TENM3: variants seen among roughly 807,000 people sequenced by gnomAD.
The protein encoded by TENM3 is teneurin-3.
In TENM3, 63 loss-of-function variants were observed where a neutral mutation model predicts 255.1. The ratio of observed to expected loss-of-function variants is 0.25; its 90% CI spans 0.20 to 0.30. The LOEUF is 0.30. Among genes scored for constraint, TENM3 ranks in the 10% least tolerant of loss-of-function variants. TENM3 has a pLI of 1.00. For missense variants in TENM3, 2,929 were observed against 3,461.1 expected (o/e 0.85, Z 3.86); for synonymous variants, 1,306 against 1,322.3 (o/e 0.99, Z 0.27).
the TENM3 span, among the ~76,000 whole-genome samples, chr4:181,693,388 T>G: frequency 6.6e-6 from 1 of 152,076 alleles, no homozygotes; most frequent in Non-Finnish European, 1.5e-5. Context: ...CACCCATAAT[T>G]TTATGTTGGT....
At chr4:182,000,040 T>C in the TENM3 span, among the ~76,000 whole-genome samples, 2 of 152,288 alleles carry the variant, frequency 1.3e-5, no homozygotes, top group East Asian at 3.9e-4. Flanking sequence ...ATCAATAGAC[T>C]TCAGAGATTT....
At chr4:182,737,521 C>T (rs983425743) in intron 17 of TENM3, among the ~76,000 whole-genome samples, 2 of 152,156 alleles carry the variant, frequency 1.3e-5, no homozygotes, top group African/African-American at 4.8e-5. Context: ...CCATGAATTA[C>T]ATCAGCTGTT....
intron 1 of TENM3, among the ~76,000 whole-genome samples, chr4:182,297,710 G>A (rs1761584600): frequency 6.6e-6 from 1 of 152,208 alleles, no homozygotes; most frequent in Non-Finnish European, 1.5e-5. Flanking sequence ...GACAAGTCTA[G>A]ATAGGGTAGA....
the TENM3 span, among the ~76,000 whole-genome samples, chr4:182,023,153 G>A: frequency 5.9e-5 from 9 of 152,262 alleles, no homozygotes; most frequent in East Asian, 3.9e-4. Flanking sequence ...TGGCATGAAC[G>A]TTATTCTTGG....
At chr4:181,555,910 GTGAA>G in the TENM3 span, among the ~76,000 whole-genome samples, 2 of 152,204 alleles carry the variant, frequency 1.3e-5, no homozygotes, top group Non-Finnish European at 2.9e-5. Context: ...AAGCTTGGCA[GTGAA>G]CCTAGAAGAG....
the TENM3 span, among the ~76,000 whole-genome samples, chr4:181,479,553 C>T: frequency 6.6e-6 from 1 of 152,050 alleles, no homozygotes; most frequent in South Asian, 2.1e-4. Flanking sequence ...AAAAATGGTC[C>T]TGTACTTTAT....
the TENM3 span, among the ~76,000 whole-genome samples, chr4:181,556,926 A>C: frequency 6.6e-6 from 1 of 152,158 alleles, no homozygotes; most frequent in Non-Finnish European, 1.5e-5. Context: ...AAGCTCTCCC[A>C]ACTCTTTGAT....
chr4:181,854,953 G>A, the TENM3 span, among the ~76,000 whole-genome samples: 24 of 152,188 alleles, frequency 1.6e-4, no homozygotes, highest in South Asian at 1.7e-3. Context: ...TTTTAAGGCC[G>A]TGTTTTCTAC....
At chr4:181,960,153 T>C in the TENM3 span, among the ~76,000 whole-genome samples, 1 of 152,248 alleles carries the variant, frequency 6.6e-6, no homozygotes. Context: ...GCAATTTGTG[T>C]ATATTCTTAT....
At chr4:181,546,532 G>C in the TENM3 span, among the ~76,000 whole-genome samples, 3 of 149,236 alleles carry the variant, frequency 2.0e-5, no homozygotes, top group African/African-American at 7.4e-5. Context: ...TGGCTAACAC[G>C]GTGAAACCCC....
rs150650943 is a variant in TENM3, at chr4:182,329,984, A to C, written c.232+5732A>C. Among the ~76,000 whole-genome samples, 6 of 152,268 alleles carry C rather than the reference A, an allele frequency of 3.9e-5. No individual in the cohort carries two copies. The East Asian group carries it at 1.2e-3, about 29-fold the overall frequency. On this transcript the variant is annotated intron_variant, in intron 2 of 27. Transcript: ENST00000511685. ...AAAGGCAGGTTACTTTTTTTTACTT[A>C]CTAAAAATAAATAACACCAATAATG...
chr4:182,138,011 C>T, the TENM3 span, among the ~76,000 whole-genome samples: 1 of 152,222 alleles, frequency 6.6e-6, no homozygotes, highest in African/African-American at 2.4e-5. Flanking sequence ...CTTTCAGCCT[C>T]TTTGCTTTTT....
intron 5 of TENM3, among the ~76,000 whole-genome samples, chr4:182,643,449 T>TCAAAAATTTA (rs1561047370): frequency 1.5e-4 from 23 of 152,316 alleles, no homozygotes; most frequent in African/African-American, 5.5e-4. Flanking sequence ...TAATTTAGCC[T>TCAAAAATTTA]AAATATTTGT....
At chr4:181,948,348 A>G in the TENM3 span, among the ~76,000 whole-genome samples, 1 of 152,212 alleles carries the variant, frequency 6.6e-6, no homozygotes, top group African/African-American at 2.4e-5. Context: ...CTTAAGAATA[A>G]GGAAATGCTT....
chr4:181,934,482 C>T, the TENM3 span, among the ~76,000 whole-genome samples: 4 of 152,130 alleles, frequency 2.6e-5, no homozygotes, highest in South Asian at 2.1e-4. Context: ...AAGATTTAAT[C>T]GGTAGCAGTT....
chr4:181,807,299 A>T, the TENM3 span, among the ~76,000 whole-genome samples: 1 of 152,252 alleles, frequency 6.6e-6, no homozygotes, highest in South Asian at 2.1e-4. Flanking sequence ...ATTAAAAAGA[A>T]ATAACGTATT....
intron 17 of TENM3, among the ~76,000 whole-genome samples, chr4:182,737,866 A>G (rs532509370): frequency 3.3e-4 from 51 of 152,260 alleles, no homozygotes; most frequent in African/African-American, 1.2e-3. Flanking sequence ...GAACTCTGGA[A>G]AGCTTTTCAT....
At chr4:181,761,020 T>G in the TENM3 span, among the ~76,000 whole-genome samples, 2 of 95,144 alleles carry the variant, frequency 2.1e-5, no homozygotes, top group African/African-American at 9.4e-5. Context: ...ACACCCCGAA[T>G]AATCATTTTG....
At chr4:181,681,399 C>A in the TENM3 span, among the ~76,000 whole-genome samples, 1 of 152,058 alleles carries the variant, frequency 6.6e-6, no homozygotes, top group Admixed American at 6.6e-5. Context: ...GTTTCTCCCC[C>A]CTGTTCTGAA....
Sources: gnomAD v4.1 joint callset for allele counts (sites outside exome capture counted in the v4.1 genomes callset) on GRCh38, gnomAD v4.1.1 for gene constraint, MANE v1.5 for transcripts, NCBI Gene and HGNC (gene_info 2026-07-23, HGNC 2026-07-21) for gene names.